PLCZ1: variants seen among roughly 807,000 people sequenced by gnomAD.
PLCZ1 encodes the protein phospholipase C zeta 1.
PLCZ1 carries 64 observed loss-of-function variants against 76.8 expected under a neutral mutation model. The observed-to-expected ratio is 0.83, with a 90% CI of 0.68 to 1.03. The LOEUF (loss-of-function observed/expected upper bound fraction) is 1.03, where lower values mean the gene tolerates loss of function less well. Ranked by LOEUF, PLCZ1 falls within the 50% of genes least tolerant of loss-of-function variation. The pLI, the probability that PLCZ1 is intolerant of heterozygous loss-of-function variation, is 0.00. For synonymous variants in PLCZ1, 248 were observed against 230.8 expected (o/e 1.07, Z -0.68); for missense variants, 751 against 713.7 (o/e 1.05, Z -0.60).
chr12:18,693,775 A>G, intron 12 of PLCZ1: 2 of 1,516,248 alleles, frequency 1.3e-6, no homozygotes, highest in Non-Finnish European at 1.8e-6. Flanking sequence ...CCACAAACCA[A>G]ATAGAAACTT....
chr12:18,648,845 C>A, the PLCZ1 span, among the ~76,000 whole-genome samples: 15 of 152,092 alleles, frequency 9.9e-5, no homozygotes, highest in African/African-American at 3.4e-4. Flanking sequence ...ATGCACTATG[C>A]CACATTCTTT....
downstream of PLCZ1, among the ~76,000 whole-genome samples, chr12:18,680,285 A>G (rs1340954677): frequency 6.6e-6 from 1 of 151,896 alleles, no homozygotes; most frequent in African/African-American, 2.4e-5. Context: ...GTGACTCCCA[A>G]ATTTCCTGAG....
chr12:18,647,437 C>G, the PLCZ1 span, among the ~76,000 whole-genome samples: 1 of 150,002 alleles, frequency 6.7e-6, no homozygotes, highest in South Asian at 2.1e-4. Context: ...ACATCTATTC[C>G]CCTGAATCTA....
chr12:18,681,176 C>T (rs1316890472), downstream of PLCZ1, among the ~76,000 whole-genome samples: 3 of 151,940 alleles, frequency 2.0e-5, no homozygotes, highest in Non-Finnish European at 4.4e-5. Context: ...ACGGCAGCTC[C>T]TAGCAACACT....
At chr12:18,711,085 A>G (rs889069744) in intron 6 of PLCZ1, among the ~76,000 whole-genome samples, 6 of 152,074 alleles carry the variant, frequency 3.9e-5, no homozygotes, top group Non-Finnish European at 7.4e-5. Flanking sequence ...ATATGCACAT[A>G]TATGTTTATT....
At chr12:18,680,837 G>A (rs1271303756), downstream of PLCZ1, among the ~76,000 whole-genome samples, 7 of 152,010 alleles carry the variant, frequency 4.6e-5, no homozygotes, top group Admixed American at 3.3e-4. Context: ...AAAAAGTAGA[G>A]TTCTCCTCTG....
At chr12:18,669,608 C>T in the PLCZ1 span, among the ~76,000 whole-genome samples, 1 of 151,978 alleles carries the variant, frequency 6.6e-6, no homozygotes, top group Non-Finnish European at 1.5e-5. Context: ...CAGACAGTTG[C>T]CTTTGCAGCT....
chr12:18,686,703 T>A (rs1953207534), intron 13 of PLCZ1, among the ~76,000 whole-genome samples: 1 of 152,068 alleles, frequency 6.6e-6, no homozygotes, highest in Non-Finnish European at 1.5e-5. Context: ...CTCTAAATCA[T>A]AATTATTTTA....
chr12:18,672,366 T>C, the PLCZ1 span, among the ~76,000 whole-genome samples: 1 of 152,180 alleles, frequency 6.6e-6, no homozygotes, highest in Non-Finnish European at 1.5e-5. Flanking sequence ...TTTAATTGTT[T>C]ACTTTTACTC....
the PLCZ1 span, among the ~76,000 whole-genome samples, chr12:18,654,291 A>G: frequency 1.7e-5 from 1 of 59,348 alleles, no homozygotes; most frequent in Non-Finnish European, 3.1e-5. Flanking sequence ...AAACACTAGT[A>G]CCTAAAAAAA....
intron 3 of PLCZ1, among the ~76,000 whole-genome samples, chr12:18,729,951 C>T (rs1958952842): frequency 6.6e-6 from 1 of 152,092 alleles, no homozygotes; most frequent in Admixed American, 6.6e-5. Flanking sequence ...GTATACTTAA[C>T]TGATGCAGCG....
chr12:18,679,853 G>A (rs1952253691), downstream of PLCZ1, among the ~76,000 whole-genome samples: 1 of 151,896 alleles, frequency 6.6e-6, no homozygotes, highest in African/African-American at 2.4e-5. Context: ...CAGCTCCCAG[G>A]TGTGCTGAGC....
the PLCZ1 span, among the ~76,000 whole-genome samples, chr12:18,662,751 T>C: frequency 1.3e-5 from 2 of 152,094 alleles, no homozygotes; most frequent in African/African-American, 4.8e-5. Context: ...ATCTCATATG[T>C]TACTGAAGTT....
intron 10 of PLCZ1, among the ~76,000 whole-genome samples, chr12:18,696,833 A>G (rs549642998): frequency 2.2e-4 from 34 of 152,006 alleles, no homozygotes; most frequent in Non-Finnish European, 3.1e-4. Context: ...AGTTTATTCA[A>G]TCTGTGTTTA....
intron 6 of PLCZ1, among the ~76,000 whole-genome samples, chr12:18,710,735 C>T (rs575000519): frequency 4.6e-5 from 7 of 152,096 alleles, no homozygotes; most frequent in African/African-American, 1.4e-4. Context: ...AAAAGTAAAG[C>T]CACTGCTCAA....
chr12:18,701,675 C>G lies in PLCZ1; in HGVS notation c.949+17G>C, dbSNP rs764808879. The G allele has an allele frequency of 4.3e-6, 7 of 1,610,708 alleles. No homozygotes were observed. Among genetic ancestry groups the G allele is most frequent in the Non-Finnish European group, 5.9e-6 (7 of 1,178,446 alleles). On this transcript the variant is annotated intron_variant, in intron 8 of 14. Coordinates refer to ENST00000266505, the MANE Select transcript of PLCZ1 (RefSeq NM_033123.4). Reference sequence around the variant, plus strand: ...CCTCTCCATCTGCCACTTCTTCTTCCCATTCCTCCACCTTACCACGCTTAT... The same window carrying G: ...CCTCTCCATCTGCCACTTCTTCTTCGCATTCCTCCACCTTACCACGCTTAT...
At chr12:18,653,700 G>A in the PLCZ1 span, among the ~76,000 whole-genome samples, 13 of 152,144 alleles carry the variant, frequency 8.5e-5, no homozygotes, top group Non-Finnish European at 1.8e-4. Context: ...ATGGTGTTAA[G>A]TAGACTCTGA....
At chr12:18,715,852 T>C (rs540417467) in intron 5 of PLCZ1, 1 of 152,294 alleles carries the variant, frequency 6.6e-6, no homozygotes, top group African/African-American at 2.4e-5. Context: ...CAGTGCTTTA[T>C]TTAGGCATGT....
At chr12:18,730,164 T>C (rs1180866658) in intron 3 of PLCZ1, among the ~76,000 whole-genome samples, 1 of 152,162 alleles carries the variant, frequency 6.6e-6, no homozygotes, top group Admixed American at 6.6e-5. Context: ...GAATCTCTAG[T>C]GCTCTGAGAG....
Sources: allele counts gnomAD v4.1 joint callset (sites outside exome capture counted in the v4.1 genomes callset), GRCh38; gene constraint gnomAD v4.1.1; transcripts MANE v1.5; gene names NCBI Gene and HGNC (gene_info 2026-07-23, HGNC 2026-07-21).